The following POPDC3 variants were observed in gnomAD, a reference collection of about 807,000 sequenced individuals.
POPDC3 encodes the protein popeye domain cAMP effector 3.
Under a neutral mutation model 28.2 loss-of-function variants are expected in POPDC3, and 20 were observed. The observed-to-expected ratio is 0.71, with a 90% CI of 0.50 to 1.03. The LOEUF (loss-of-function observed/expected upper bound fraction) is 1.03. Ranked by LOEUF, POPDC3 falls within the 50% of genes least tolerant of loss-of-function variation. The pLI is 0.00. For missense variants in POPDC3, 316 were observed against 345.9 expected, an observed-to-expected ratio of 0.91 and a Z score of 0.69; for synonymous variants, 118 against 124.1, an observed-to-expected ratio of 0.95 and a Z score of 0.33.
At chr6:105,165,458 T>A (rs1281275743) in intron 1 of POPDC3, among the ~76,000 whole-genome samples, 3 of 152,238 alleles carry the variant, frequency 2.0e-5, no homozygotes, top group African/African-American at 7.2e-5. Context: ...TTTCTGAGCC[T>A]TAGCACTCAA....
At chr6:105,163,790 A>G (rs966415886) in intron 1 of POPDC3, 5 of 152,182 alleles carry the variant, frequency 3.3e-5, no homozygotes, top group African/African-American at 7.2e-5. Flanking sequence ...TTAAAAAAAA[A>G]GAAAAAAAAA....
At chr6:105,173,470 G>C (rs1774621718) in intron 1 of POPDC3, among the ~76,000 whole-genome samples, 1 of 152,118 alleles carries the variant, frequency 6.6e-6, no homozygotes, top group African/African-American at 2.4e-5. Context: ...ATAATAACCA[G>C]CATCTGTTGA....
chr6:105,162,040 G>A lies in POPDC3; in HGVS notation c.-131C>T. ...AAAACCAGAGAAAACGGACACTGGA[G>A]TTGATGCTGATTAAAGGCTTCGTGT... is the stretch of plus-strand genomic sequence containing the variant. On this transcript the variant is annotated 5_prime_UTR_variant, in exon 2 of 4. Coordinates refer to ENST00000254765, the MANE Select transcript of POPDC3 (RefSeq NM_022361.5). The A allele has an allele frequency of 6.7e-7, 1 of 1,492,174 alleles. No individual in the cohort carries two copies. The highest frequency in any genetic ancestry group is 8.9e-7 in the Non-Finnish European group (1 of 1,129,824). The allele number at this position is 1,492,174 out of a possible 1,614,324, so 92.4% of individuals were successfully genotyped here.
chr6:105,175,293 C>A (rs2114548844), intron 1 of POPDC3, among the ~76,000 whole-genome samples: 1 of 149,732 alleles, frequency 6.7e-6, no homozygotes, highest in Non-Finnish European at 1.5e-5. Context: ...CATCCCAGCA[C>A]TTTGGGAGGC....
intron 1 of POPDC3, among the ~76,000 whole-genome samples, chr6:105,174,879 T>A (rs1182405709): frequency 6.6e-6 from 1 of 152,130 alleles, no homozygotes; most frequent in East Asian, 1.9e-4. Context: ...CTAAATTATA[T>A]CTGAAATGGC....
chr6:105,175,060 A>T (rs947673975), intron 1 of POPDC3, among the ~76,000 whole-genome samples: 1 of 151,796 alleles, frequency 6.6e-6, no homozygotes, highest in African/African-American at 2.4e-5. Context: ...CCAGCTACTC[A>T]GGAGGCTGAG....
chr6:105,174,521 C>A lies in POPDC3; in HGVS notation c.-252+5312G>T, dbSNP rs1456750418. Among the ~76,000 whole-genome samples the A allele has an allele frequency of 2.6e-5, 4 of 152,156 alleles. No individual in the cohort carries two copies. The East Asian group carries it at 7.7e-4, about 29-fold the overall frequency. On this transcript the variant is annotated intron_variant, in intron 1 of 3. Coordinates refer to ENST00000254765, the MANE Select transcript of POPDC3 (RefSeq NM_022361.5). ...TGAACTCATGGTAAGCTGAAAATAT[C>A]GTAAGTTGAAAACACACGTTTGACT...
intron 1 of POPDC3, chr6:105,178,630 T>A: frequency 5.1e-6 from 3 of 591,092 alleles, no homozygotes; most frequent in Non-Finnish European, 6.4e-6. Flanking sequence ...GGACAGAACC[T>A]CAGAGATATC....
chr6:105,172,758 C>G (rs564250772), intron 1 of POPDC3, among the ~76,000 whole-genome samples: 4 of 148,060 alleles, frequency 2.7e-5, no homozygotes, highest in African/African-American at 1.0e-4. Context: ...AAGCTGGAAA[C>G]CATCATTCTC....
chr6:105,161,527 G>A lies in POPDC3; in HGVS notation c.383C>T (p.Thr128Met), dbSNP rs143330551. Residue 128 changes from threonine to methionine, a missense_variant, in exon 2 of 4, where the codon ACG becomes ATG. Thr to Met is a moderately conservative substitution (Grantham distance 81). Coordinates refer to ENST00000254765, the MANE Select transcript of POPDC3 (RefSeq NM_022361.5). ...AACCACTTCAGAGCTCAAAGCAATCGTTCTGAAGACAGGCAAAGAGATCCC... is the reference window on the plus strand; with the variant it reads ...AACCACTTCAGAGCTCAAAGCAATCATTCTGAAGACAGGCAAAGAGATCCC... ...PLGISLPVFR[T>M]IALSSEVVTL... 5.1e-5 allele frequency: 83 copies of A among 1,614,140 alleles called. No homozygotes were observed. The highest frequency in any genetic ancestry group is 9.9e-5 in the South Asian group (9 of 91,076).
intron 1 of POPDC3, chr6:105,179,318 A>C: frequency 5.4e-6 from 5 of 932,964 alleles, no homozygotes; most frequent in Non-Finnish European, 6.4e-6. Flanking sequence ...GACACCAGTC[A>C]GGCCCTTTGC....
At chr6:105,169,866 T>C (rs367745593) in intron 1 of POPDC3, 2 of 152,234 alleles carry the variant, frequency 1.3e-5, no homozygotes, top group East Asian at 3.8e-4. Context: ...CAGATGCCAG[T>C]GTCTGCTCTC....
intron 1 of POPDC3, among the ~76,000 whole-genome samples, chr6:105,170,675 C>T (rs1774557170): frequency 6.6e-6 from 1 of 152,140 alleles, no homozygotes; most frequent in South Asian, 2.1e-4. Context: ...CACTGTAACA[C>T]AACAACATAT....
chr6:105,178,609 C>G (rs894063738), intron 1 of POPDC3: 18 of 287,282 alleles, frequency 6.3e-5, no homozygotes, highest in African/African-American at 1.3e-4. Flanking sequence ...CACACACACA[C>G]AGATTTTTCA....
chr6:105,167,370 TA>T (rs1314797827), intron 1 of POPDC3, among the ~76,000 whole-genome samples: 1 of 152,168 alleles, frequency 6.6e-6, no homozygotes, highest in Non-Finnish European at 1.5e-5. Flanking sequence ...CAATGCTAAA[TA>T]AAAACTAGGG....
At position 105,178,563 on chromosome 6, in the gene POPDC3, GAC is replaced by G. The variant is rs56060844; in HGVS notation, c.-252+1268_-252+1269del. ...AATATTTGTATCCCAAACTCCTGAA[GAC>G]ACACACACACACACACACACACACA... On this transcript the variant is annotated intron_variant, in intron 1 of 3. Coordinates refer to ENST00000254765, the MANE Select transcript of POPDC3 (RefSeq NM_022361.5). 1,370 of 153,020 alleles carry G rather than the reference GAC, an allele frequency of 9.0e-3. 16 individuals carry two copies. The highest frequency in any genetic ancestry group is 0.026 in the African/African-American group (1,021 of 39,936). 9.5% of individuals were successfully genotyped at this position (153,020 alleles called of 1,614,324 possible).
chr6:105,164,011 GA>G lies in POPDC3; in HGVS notation c.-251-1852del, dbSNP rs536637761. 8.5e-5 allele frequency among the ~76,000 whole-genome samples: 13 copies of G among 152,194 alleles called. No homozygotes were observed. In the South Asian group the frequency reaches 2.7e-3, roughly 32 times the overall value. On this transcript the variant is annotated intron_variant, in intron 1 of 3. Transcript: ENST00000254765. The stretch of plus-strand genomic sequence containing the variant: ...TTATTCTACTGGGTATTACAACAAA[GA>G]AAAATTATTGTTCAAATACAATGAG...
rs903217056 is a variant in POPDC3, at chr6:105,158,503, ATGT to A, written c.840_842del (p.Gln280del). 1 of 1,613,270 alleles carries A rather than the reference ATGT, an allele frequency of 6.2e-7. No homozygotes were observed. Among genetic ancestry groups the A allele is most frequent in the African/African-American group, 1.3e-5 (1 of 75,014 alleles). The stretch of plus-strand genomic sequence containing the variant: ...CACAGTATCGTCTGGAATTCTGAAA[ATGT>A]TGTGTCAGGGGTGATCTGCGTATTT... On this transcript the variant is annotated inframe_deletion, in exon 4 of 4. Transcript: ENST00000254765.
At chr6:105,171,438 G>A (rs1433350822) in intron 1 of POPDC3, among the ~76,000 whole-genome samples, 1 of 152,080 alleles carries the variant, frequency 6.6e-6, no homozygotes, top group African/African-American at 2.4e-5. Context: ...GGAGGCCGAG[G>A]TGGGAGGATT....
Sources: allele counts gnomAD v4.1 joint callset (sites outside exome capture counted in the v4.1 genomes callset), GRCh38; gene constraint gnomAD v4.1.1; transcripts MANE v1.5; gene names NCBI Gene and HGNC (gene_info 2026-07-23, HGNC 2026-07-21).